The following FBXO11 variants were observed in gnomAD, a reference collection of about 807,000 sequenced individuals.
FBXO11 encodes the protein F-box protein 11.
FBXO11 carries 13 observed loss-of-function variants against 117.0 expected under a neutral mutation model. The ratio of observed to expected loss-of-function variants is 0.11; its 90% CI spans 0.07 to 0.18. FBXO11 has a LOEUF of 0.18. Ranked by LOEUF, FBXO11 falls within the 10% of genes least tolerant of loss-of-function variation. The probability of loss-of-function intolerance (pLI) is 1.00; values close to 1 mark genes in which losing one functional copy is unlikely to be tolerated. For synonymous variants in FBXO11, 490 were observed against 380.5 expected (o/e 1.29, Z -3.35); for missense variants, 767 against 1,164.4 (o/e 0.66, Z 4.97).
chr2:47,882,826 CTTT>C (rs1236515884), intron 1 of FBXO11, among the ~76,000 whole-genome samples: 1 of 151,956 alleles, frequency 6.6e-6, no homozygotes, highest in Admixed American at 6.6e-5. Context: ...TAATTTTGTA[CTTT>C]TTTAGAGACA....
At chr2:47,822,399 T>G (rs1671455854) in intron 12 of FBXO11, 96 bp from the exon 13 acceptor site, 1 of 697,858 alleles carries the variant, frequency 1.4e-6, no homozygotes, top group East Asian at 2.9e-5. Flanking sequence ...ATATAACAAA[T>G]TACATAAACT....
chr2:47,886,812 T>C (rs924940162), intron 1 of FBXO11, among the ~76,000 whole-genome samples: 19 of 152,204 alleles, frequency 1.2e-4, no homozygotes, highest in African/African-American at 4.6e-4. Flanking sequence ...AGTGTTTATA[T>C]ACACATGCAT....
intron 1 of FBXO11, among the ~76,000 whole-genome samples, chr2:47,872,298 G>C (rs1295395318): frequency 2.6e-5 from 4 of 152,180 alleles, no homozygotes; most frequent in African/African-American, 7.2e-5. Flanking sequence ...CTTTCGGAAA[G>C]TATTAAAGTC....
Position 47,818,842 on chromosome 2 carries a change from T to G in FBXO11, c.1943A>C (p.Asn648Thr). The change falls in exon 16 of 23, where the codon AAT becomes ACT. Residue 648 changes from asparagine to threonine, a missense_variant. Physicochemically the swap from Asn to Thr is moderately conservative, Grantham distance 65. Coordinates refer to ENST00000403359, the MANE Select transcript of FBXO11 (RefSeq NM_001190274.2). ...GKQVGVYFYD[N>T]GHGVLEDNDI... ...ATTGTCTTCTAGCACTCCATGTCCA[T>G]TGTCATAAAAATAAACACCAACCTA... 1 of 1,587,784 alleles carries G rather than the reference T, an allele frequency of 6.3e-7. No homozygotes were observed. The highest frequency in any genetic ancestry group is 8.5e-7 in the Non-Finnish European group (1 of 1,172,728).
intron 1 of FBXO11, among the ~76,000 whole-genome samples, chr2:47,860,410 A>ATTT (rs777150310): frequency 2.9e-5 from 4 of 138,964 alleles, no homozygotes; most frequent in Non-Finnish European, 4.7e-5. Context: ...TTTACCCTGG[A>ATTT]TTTTTTTTTT....
At position 47,806,981 on chromosome 2, in the gene FBXO11, TTAAACCCTTTTAATTCTTATCTACC is replaced by T; in HGVS notation, c.*1112_*1136del. 1.3e-6 allele frequency: 1 copy of T among 772,484 alleles called. No individual in the cohort carries two copies. The highest frequency in any genetic ancestry group is 2.7e-5 in the East Asian group (1 of 37,402). 47.9% of individuals were successfully genotyped at this position (772,484 alleles called of 1,614,324 possible). A position where few individuals can be genotyped will look rare whatever the true frequency, so the allele number is the denominator to read the frequency against. On this transcript the variant is annotated 3_prime_UTR_variant, in exon 23 of 23. Transcript: ENST00000403359. ...ATTTTTCCATTTTCTTTCTAGGAAA[TTAAACCCTTTTAATTCTTATCTACC>T]TTCTACATAATGGTTATTGAATACT...
intron 1 of FBXO11, among the ~76,000 whole-genome samples, chr2:47,857,577 T>G (rs535700750): frequency 9.2e-5 from 14 of 152,128 alleles, no homozygotes; most frequent in Admixed American, 3.9e-4. Flanking sequence ...AAAATAATCA[T>G]GGGGGGTAGA....
At chr2:47,898,756 CAG>C (rs1677867083) in intron 1 of FBXO11, among the ~76,000 whole-genome samples, 2 of 152,144 alleles carry the variant, frequency 1.3e-5, no homozygotes, top group Admixed American at 6.5e-5. Flanking sequence ...TGGTATAGAA[CAG>C]GGGACAGATC....
intron 1 of FBXO11, among the ~76,000 whole-genome samples, chr2:47,847,672 C>T (rs1206756151): frequency 1.3e-5 from 2 of 152,114 alleles, no homozygotes; most frequent in Non-Finnish European, 2.9e-5. Context: ...CCACTGCACT[C>T]CAGCCTGGGT....
At chr2:47,879,254 T>G (rs1676257091) in intron 1 of FBXO11, among the ~76,000 whole-genome samples, 1 of 152,236 alleles carries the variant, frequency 6.6e-6, no homozygotes, top group Admixed American at 6.5e-5. Flanking sequence ...CTGATACATG[T>G]ATCATGTGGT....
intron 1 of FBXO11, among the ~76,000 whole-genome samples, chr2:47,849,604 T>C (rs1673694931): frequency 6.6e-6 from 1 of 152,218 alleles, no homozygotes; most frequent in African/African-American, 2.4e-5. Flanking sequence ...CAGGCAGTAA[T>C]AATGCAGTGT....
chr2:47,813,997 G>C, intron 16 of FBXO11, 130 bp from the exon 17 acceptor site: 1 of 653,762 alleles, frequency 1.5e-6, no homozygotes, highest in Non-Finnish European at 2.7e-6. Context: ...TGGAGTCCAA[G>C]ATGCCCTGAG....
At chr2:47,810,278 C>G (rs759131681) in intron 19 of FBXO11, 38 bp downstream of exon 19, 1 of 1,353,650 alleles carries the variant, frequency 7.4e-7, no homozygotes, top group South Asian at 1.3e-5. Context: ...CTTTGCAGAA[C>G]TATATATAAG....
intron 11 of FBXO11, among the ~76,000 whole-genome samples, chr2:47,829,162 T>C (rs1273301576): frequency 6.6e-6 from 1 of 152,012 alleles, no homozygotes; most frequent in Non-Finnish European, 1.5e-5. Context: ...CCCAAAGTGT[T>C]AGGATTACAG....
At chr2:47,866,425 G>C (rs115590821) in intron 1 of FBXO11, among the ~76,000 whole-genome samples, 1,875 of 151,670 alleles carry the variant, frequency 0.012, 28 homozygotes, top group African/African-American at 0.041. Context: ...CTAAAAAACT[G>C]CGTCCCAAAA....
At chr2:47,880,233 G>A (rs1320637639) in intron 1 of FBXO11, among the ~76,000 whole-genome samples, 1 of 152,062 alleles carries the variant, frequency 6.6e-6, no homozygotes, top group Non-Finnish European at 1.5e-5. Context: ...CTTGGCTCAG[G>A]CAATCCACCC....
chr2:47,904,123 T>A (rs1197698906), intron 1 of FBXO11, among the ~76,000 whole-genome samples: 1 of 152,210 alleles, frequency 6.6e-6, no homozygotes, highest in Non-Finnish European at 1.5e-5. Flanking sequence ...TGATCAAGTA[T>A]AACAATGAAA....
chr2:47,850,323 T>A (rs1239407455), intron 1 of FBXO11, among the ~76,000 whole-genome samples: 1 of 152,124 alleles, frequency 6.6e-6, no homozygotes, highest in African/African-American at 2.4e-5. Flanking sequence ...TGTGAGACAT[T>A]CAAGTGGAAA....
At position 47,809,222 on chromosome 2, in the gene FBXO11, T is replaced by C. The variant is rs200771165; in HGVS notation, c.2491A>G (p.Ser831Gly). ...NNQDAIEKAV[S>G]RGQCLYKISS... ...ATTTTATATAAACATTGGCCTCTAC[T>C]AACAGCCTTTTCTATGGCATCTTGA... Residue 831 changes from serine to glycine, a missense_variant, in exon 21 of 23, where the codon AGT (serine) becomes GGT (glycine). Coordinates refer to ENST00000403359, the MANE Select transcript of FBXO11 (RefSeq NM_001190274.2). 3.1e-4 allele frequency: 494 copies of C among 1,606,812 alleles called. No individual in the cohort carries two copies. The Middle Eastern group carries it at 6.3e-3, about 20-fold the overall frequency.
Sources: allele counts gnomAD v4.1 joint callset (sites outside exome capture counted in the v4.1 genomes callset), GRCh38; gene constraint gnomAD v4.1.1; transcripts MANE v1.5; gene names NCBI Gene and HGNC (gene_info 2026-07-23, HGNC 2026-07-21).